The following BBS9 variants were observed in gnomAD, a reference collection of about 807,000 sequenced individuals.
BBS9 encodes the protein protein PTHB1.
Under a neutral mutation model 117.7 loss-of-function variants are expected in BBS9, and 89 were observed. That is an observed-to-expected ratio of 0.76 (90% confidence interval 0.64 to 0.90). BBS9 has a LOEUF of 0.90. Among genes scored for constraint, BBS9 ranks in the 40% least tolerant of loss-of-function variants. The probability of loss-of-function intolerance (pLI) is 0.00; values close to 1 mark genes in which losing one functional copy is unlikely to be tolerated. For synonymous variants in BBS9, 379 were observed against 370.9 expected (o/e 1.02, Z -0.25); for missense variants, 982 against 1,042.2 (o/e 0.94, Z 0.80).
intron 2 of BBS9, among the ~76,000 whole-genome samples, chr7:33,149,010 A>G (rs1347747113): frequency 2.0e-5 from 3 of 152,202 alleles, no homozygotes; most frequent in Non-Finnish European, 4.4e-5. Context: ...AATGAGATCT[A>G]GATTTGCAAT....
At chr7:33,187,381 A>G (rs1299461150) in intron 5 of BBS9, among the ~76,000 whole-genome samples, 1 of 152,222 alleles carries the variant, frequency 6.6e-6, no homozygotes, top group Non-Finnish European at 1.5e-5. Context: ...CTGTGAAAAG[A>G]TGATGAACCT....
chr7:33,564,021 G>T (rs1177198213), intron 21 of BBS9, among the ~76,000 whole-genome samples: 1 of 140,924 alleles, frequency 7.1e-6, no homozygotes, highest in Non-Finnish European at 1.5e-5. Flanking sequence ...TAAAAATCTT[G>T]CCTGGAATTC....
At chr7:33,303,860 G>T (rs1260946953) in intron 9 of BBS9, among the ~76,000 whole-genome samples, 1 of 152,124 alleles carries the variant, frequency 6.6e-6, no homozygotes, top group Non-Finnish European at 1.5e-5. Flanking sequence ...CTCGCTACAA[G>T]GTCCACCTCC....
At chr7:33,207,000 C>T (rs1393199612) in intron 5 of BBS9, among the ~76,000 whole-genome samples, 1 of 152,076 alleles carries the variant, frequency 6.6e-6, no homozygotes, top group African/African-American at 2.4e-5. Context: ...TCTTACTTCC[C>T]TGTGATTAAA....
At chr7:33,410,045 A>G (rs1306520697) in intron 19 of BBS9, among the ~76,000 whole-genome samples, 2 of 152,028 alleles carry the variant, frequency 1.3e-5, no homozygotes, top group East Asian at 3.9e-4. Context: ...ATTCTGTCTT[A>G]TGTTATGGTT....
chr7:33,195,707 G>T lies in BBS9; in HGVS notation c.442+18116G>T, dbSNP rs937539956. ...AAATTCTCTAATATTTAGTGTAAAA[G>T]ACACATCTTTTCATCTGTAACACTT... On this transcript the variant is annotated intron_variant, in intron 5 of 22. Transcript: ENST00000242067. Among the ~76,000 whole-genome samples, 3 of 136,818 alleles carry T rather than the reference G, an allele frequency of 2.2e-5. No homozygotes were observed. In the Admixed American group the frequency reaches 2.4e-4, roughly 11 times the overall value. 89.8% of individuals were successfully genotyped at this position (136,818 alleles called of 152,430 possible).
intron 21 of BBS9, among the ~76,000 whole-genome samples, chr7:33,544,568 G>A (rs1852970513): frequency 6.6e-6 from 1 of 152,160 alleles, no homozygotes; most frequent in Non-Finnish European, 1.5e-5. Flanking sequence ...TCTCAGCAGT[G>A]GATACCAGTG....
At position 33,344,639 on chromosome 7, in the gene BBS9, T is replaced by C. The variant is rs200033003; in HGVS notation, c.1329+5T>C. Reference sequence around the variant, plus strand: ...GTCCCTTCTGTCACGGTGAAGGTATTGTACCAGATTTTAGACTGTAATGTG... The same window carrying C: ...GTCCCTTCTGTCACGGTGAAGGTATCGTACCAGATTTTAGACTGTAATGTG... On this transcript the variant is annotated splice_donor_5th_base_variant and intron_variant, in intron 12 of 22. Transcript: ENST00000242067. 49 of 1,613,502 alleles carry C rather than the reference T, an allele frequency of 3.0e-5. No individual in the cohort carries two copies. Among genetic ancestry groups the C allele is most frequent in the Non-Finnish European group, 3.7e-5 (44 of 1,179,560 alleles).
At chr7:33,232,283 A>C (rs1402800037) in intron 5 of BBS9, among the ~76,000 whole-genome samples, 1 of 152,156 alleles carries the variant, frequency 6.6e-6, no homozygotes, top group Non-Finnish European at 1.5e-5. Context: ...AAAATTATAC[A>C]GGTAATCTAT....
At chr7:33,180,576 C>CT (rs1273637469) in intron 5 of BBS9, among the ~76,000 whole-genome samples, 1 of 152,120 alleles carries the variant, frequency 6.6e-6, no homozygotes, top group African/African-American at 2.4e-5. Flanking sequence ...AGGATGGTCT[C>CT]TATCTCCTGA....
intron 9 of BBS9, among the ~76,000 whole-genome samples, chr7:33,336,142 A>T (rs1457363205): frequency 6.6e-6 from 1 of 152,202 alleles, no homozygotes; most frequent in Non-Finnish European, 1.5e-5. Context: ...GATTAAAAAC[A>T]GTACTTAAAA....
intron 5 of BBS9, among the ~76,000 whole-genome samples, chr7:33,213,222 A>T (rs747489440): frequency 6.6e-6 from 1 of 152,040 alleles, no homozygotes; most frequent in African/African-American, 2.4e-5. Context: ...CTCTTCCCCC[A>T]TCTTTCCACA....
At chr7:33,189,214 T>G (rs1373929910) in intron 5 of BBS9, among the ~76,000 whole-genome samples, 3 of 152,050 alleles carry the variant, frequency 2.0e-5, no homozygotes, top group African/African-American at 7.2e-5. Flanking sequence ...TGACGGGGTT[T>G]TGCCATATTG....
chr7:33,151,344 A>G (rs1793274341), intron 2 of BBS9, among the ~76,000 whole-genome samples: 1 of 152,110 alleles, frequency 6.6e-6, no homozygotes, highest in African/African-American at 2.4e-5. Flanking sequence ...TATATCAGTT[A>G]TCTTTTTTTT....
chr7:33,562,963 A>G (rs992364831), intron 21 of BBS9, among the ~76,000 whole-genome samples: 2 of 152,190 alleles, frequency 1.3e-5, no homozygotes, highest in African/African-American at 4.8e-5. Flanking sequence ...ACCATTCTTA[A>G]CATATTTTTA....
intron 17 of BBS9, among the ~76,000 whole-genome samples, chr7:33,370,469 CA>C (rs901921741): frequency 8.2e-5 from 12 of 145,520 alleles, no homozygotes; most frequent in Non-Finnish European, 1.4e-4. Flanking sequence ...GACCCTGTCT[CA>C]AAAAAAAAAG....
chr7:33,533,712 C>T, intron 20 of BBS9: 1 of 543,430 alleles, frequency 1.8e-6, no homozygotes, highest in Non-Finnish European at 3.3e-6. Flanking sequence ...GAGGGACAGA[C>T]TGTTAACATC....
At chr7:33,503,171 A>G (rs1845678051) in intron 19 of BBS9, among the ~76,000 whole-genome samples, 1 of 152,178 alleles carries the variant, frequency 6.6e-6, no homozygotes, top group Non-Finnish European at 1.5e-5. Flanking sequence ...TTTTACTTAC[A>G]AAACGCAAGC....
intron 6 of BBS9, among the ~76,000 whole-genome samples, chr7:33,263,978 G>A (rs1010361985): frequency 6.6e-6 from 1 of 151,898 alleles, no homozygotes; most frequent in Admixed American, 6.6e-5. Flanking sequence ...TGGTGTTTAG[G>A]TGCTAGATCT....
Sources: allele counts gnomAD v4.1 joint callset (sites outside exome capture counted in the v4.1 genomes callset), GRCh38; gene constraint gnomAD v4.1.1; transcripts MANE v1.5; gene names NCBI Gene and HGNC (gene_info 2026-07-23, HGNC 2026-07-21).